Variants in FBXL17 observed in about 807,000 individuals in gnomAD.
FBXL17 encodes the protein F-box and leucine rich repeat protein 17, also known as F-box/LRR-repeat protein 17.
Under a neutral mutation model 66.2 loss-of-function variants are expected in FBXL17, and 22 were observed. The observed-to-expected ratio is 0.33, with a 90% CI of 0.24 to 0.47. The LOEUF is 0.47. Among genes scored for constraint, FBXL17 ranks in the 20% least tolerant of loss-of-function variants. The pLI is 1.00. For synonymous variants in FBXL17, 474 were observed against 400.5 expected, an observed-to-expected ratio of 1.18 and a Z score of -2.19; for missense variants, 878 against 948.2, an observed-to-expected ratio of 0.93 and a Z score of 0.97.
intron 4 of FBXL17, among the ~76,000 whole-genome samples, chr5:108,329,974 C>T (rs910653084): frequency 1.3e-4 from 19 of 151,726 alleles, no homozygotes; most frequent in Admixed American, 1.0e-3. Flanking sequence ...AGTAGACCAG[C>T]ATGGCCTATG....
At chr5:107,987,689 A>G (rs1005528567) in intron 7 of FBXL17, among the ~76,000 whole-genome samples, 3 of 152,088 alleles carry the variant, frequency 2.0e-5, no homozygotes, top group Non-Finnish European at 4.4e-5. Context: ...TAATAAAGAT[A>G]TTCAAAACCA....
intron 6 of FBXL17, among the ~76,000 whole-genome samples, chr5:108,096,363 T>C (rs990112337): frequency 2.0e-5 from 3 of 152,166 alleles, no homozygotes; most frequent in South Asian, 4.1e-4. Context: ...GTTAACCACA[T>C]AGGACGATCT....
chr5:108,012,643 T>C (rs1754219838), intron 7 of FBXL17, among the ~76,000 whole-genome samples: 1 of 152,184 alleles, frequency 6.6e-6, no homozygotes, highest in Admixed American at 6.5e-5. Context: ...ACTGAATGCA[T>C]ACTATAGTGT....
At chr5:108,145,994 G>A (rs1208663524) in intron 6 of FBXL17, among the ~76,000 whole-genome samples, 4 of 151,892 alleles carry the variant, frequency 2.6e-5, no homozygotes, top group African/African-American at 9.7e-5. Context: ...CGAGGCGGGC[G>A]GATCACGAGG....
At chr5:107,976,040 G>C (rs1330527240) in intron 7 of FBXL17, among the ~76,000 whole-genome samples, 1 of 151,900 alleles carries the variant, frequency 6.6e-6, no homozygotes, top group Non-Finnish European at 1.5e-5. Flanking sequence ...TTATATTTTA[G>C]TAGAGACAGG....
chr5:107,949,045 T>A (rs1320163435), intron 7 of FBXL17, among the ~76,000 whole-genome samples: 4 of 152,116 alleles, frequency 2.6e-5, no homozygotes, highest in African/African-American at 9.7e-5. Context: ...GTCTTGCACT[T>A]GGGGTCAAAG....
At chr5:107,882,230 T>A (rs1748814947) in intron 7 of FBXL17, among the ~76,000 whole-genome samples, 1 of 152,228 alleles carries the variant, frequency 6.6e-6, no homozygotes, top group Non-Finnish European at 1.5e-5. Context: ...AGGTGAATGA[T>A]AGTTCCCAAA....
At chr5:107,926,445 A>G (rs1308967766) in intron 7 of FBXL17, among the ~76,000 whole-genome samples, 1 of 152,024 alleles carries the variant, frequency 6.6e-6, no homozygotes, top group Non-Finnish European at 1.5e-5. Flanking sequence ...ACTAGTTATA[A>G]TCCTTCTGGC....
chr5:108,232,779 T>TCA (rs1418456514), intron 4 of FBXL17, among the ~76,000 whole-genome samples: 5 of 34,522 alleles, frequency 1.4e-4, no homozygotes, highest in Admixed American at 4.9e-4. Context: ...GAATAAGCTC[T>TCA]CACATATATA....
At chr5:107,878,301 A>T (rs1317494352) in intron 8 of FBXL17, 2 of 942,182 alleles carry the variant, frequency 2.1e-6, no homozygotes, top group Non-Finnish European at 2.5e-6. Flanking sequence ...TTTTTTTCTC[A>T]TTGGAAAATT....
At position 108,271,965 on chromosome 5, in the gene FBXL17, G is replaced by A. The variant is rs188986467; in HGVS notation, c.1507-47737C>T. Among the ~76,000 whole-genome samples, 772 of 152,264 alleles carry A rather than the reference G, an allele frequency of 5.1e-3. 4 individuals carry two copies. Among genetic ancestry groups the A allele is most frequent in the South Asian group, 0.017 (80 of 4,832 alleles). On this transcript the variant is annotated intron_variant, in intron 4 of 8. Transcript: ENST00000542267. ...TAGGGTGGTAATGAAGACTAAATGA[G>A]CTAATACACTGGTACAATGTGTGGC...
chr5:108,281,569 A>G (rs1202251993), intron 4 of FBXL17, among the ~76,000 whole-genome samples: 1 of 151,948 alleles, frequency 6.6e-6, no homozygotes, highest in African/African-American at 2.4e-5. Flanking sequence ...TTAAATGCCT[A>G]GATCAAAAAA....
chr5:108,149,879 C>A (rs934298036), intron 6 of FBXL17, among the ~76,000 whole-genome samples: 2 of 152,158 alleles, frequency 1.3e-5, no homozygotes, highest in Non-Finnish European at 2.9e-5. Flanking sequence ...CAAAAGCTGA[C>A]AGCAGAGAAT....
At chr5:107,989,091 T>C (rs145421668) in intron 7 of FBXL17, among the ~76,000 whole-genome samples, 1 of 152,232 alleles carries the variant, frequency 6.6e-6, no homozygotes, top group African/African-American at 2.4e-5. Flanking sequence ...TAAGTCATGG[T>C]AATTGAGATA....
At chr5:107,948,058 G>A (rs1229544580) in intron 7 of FBXL17, among the ~76,000 whole-genome samples, 1 of 151,798 alleles carries the variant, frequency 6.6e-6, no homozygotes, top group Non-Finnish European at 1.5e-5. Flanking sequence ...ATGGGAAAAA[G>A]GCATTTTCTT....
intron 4 of FBXL17, among the ~76,000 whole-genome samples, chr5:108,274,249 C>A (rs981011511): frequency 6.6e-6 from 1 of 152,156 alleles, no homozygotes; most frequent in African/African-American, 2.4e-5. Context: ...GTCTATCTCA[C>A]CTCTGCAGTC....
intron 4 of FBXL17, among the ~76,000 whole-genome samples, chr5:108,340,075 G>A (rs976492886): frequency 6.6e-6 from 1 of 151,140 alleles, no homozygotes; most frequent in Non-Finnish European, 1.5e-5. Flanking sequence ...TGCTTTCAAT[G>A]CCTTCAAATG....
At chr5:108,136,204 T>G (rs1751127019) in intron 6 of FBXL17, among the ~76,000 whole-genome samples, 1 of 152,172 alleles carries the variant, frequency 6.6e-6, no homozygotes, top group Non-Finnish European at 1.5e-5. Flanking sequence ...TTAAACCTTC[T>G]TTTTGTATTT....
At chr5:108,212,411 T>C (rs201655121) in intron 5 of FBXL17, among the ~76,000 whole-genome samples, 1 of 152,192 alleles carries the variant, frequency 6.6e-6, no homozygotes, top group African/African-American at 2.4e-5. Flanking sequence ...GAGAAGAGGC[T>C]TTCTGGTTTT....
Sources: gnomAD v4.1 joint callset for allele counts (sites outside exome capture counted in the v4.1 genomes callset) on GRCh38, gnomAD v4.1.1 for gene constraint, MANE v1.5 for transcripts, NCBI Gene and HGNC (gene_info 2026-07-23, HGNC 2026-07-21) for gene names.